Variants in CAPN13 observed in about 807,000 individuals in gnomAD.
CAPN13 encodes the protein calpain 13.
In CAPN13, 90 loss-of-function variants were observed where a neutral mutation model predicts 98.4. That is an observed-to-expected ratio of 0.92 (90% CI 0.77 to 1.09). The LOEUF is 1.09. CAPN13 is among the 50% of genes least tolerant of loss of function. The pLI is 0.00. For missense variants in CAPN13, 887 were observed against 841.3 expected (o/e 1.05, Z -0.67); for synonymous variants, 330 against 305.5 (o/e 1.08, Z -0.84).
At position 30,771,177 on chromosome 2, in the gene CAPN13, G is replaced by A. The variant is rs532247143; in HGVS notation, c.388-728C>T. Among the ~76,000 whole-genome samples the A allele has an allele frequency of 3.2e-4, 48 of 152,306 alleles. No homozygotes were observed. In the East Asian group the frequency reaches 6.4e-3, roughly 20 times the overall value. ...AGCATTCAACTCTATATAGTTCACC[G>A]GGGACATGGCCAAATGAGGAAAATT... On this transcript the variant is annotated intron_variant, in intron 4 of 22. Coordinates refer to ENST00000295055, the MANE Select transcript of CAPN13 (RefSeq NM_144575.3).
intron 11 of CAPN13, among the ~76,000 whole-genome samples, chr2:30,750,715 T>C (rs1220010410): frequency 8.5e-5 from 13 of 152,244 alleles, no homozygotes; most frequent in Admixed American, 8.5e-4. Context: ...GGAGAGCTTA[T>C]GAAAATGCAG....
At chr2:30,776,130 G>T in intron 3 of CAPN13, 85 bp from the exon 4 acceptor site, 2 of 803,630 alleles carry the variant, frequency 2.5e-6, no homozygotes, top group Non-Finnish European at 4.0e-6. Flanking sequence ...TACCACCAGA[G>T]GCTACACAAT....
At chr2:30,744,264 C>G (rs2147973963) in intron 12 of CAPN13, among the ~76,000 whole-genome samples, 1 of 152,340 alleles carries the variant, frequency 6.6e-6, no homozygotes, top group Non-Finnish European at 1.5e-5. Flanking sequence ...TGAGCTATGC[C>G]TTGCAGGGAA....
intron 13 of CAPN13, chr2:30,743,165 A>T (rs1313076628): frequency 1.8e-6 from 1 of 570,876 alleles, no homozygotes; most frequent in African/African-American, 1.9e-5. Context: ...TTGCATTTCC[A>T]TCTGGCAATG....
chr2:30,723,324 C>T (rs1334458364), intron 22 of CAPN13, 88 bp from the exon 23 acceptor site: 1 of 152,266 alleles, frequency 6.6e-6, no homozygotes, highest in East Asian at 1.9e-4. Flanking sequence ...AGTGGGGCCC[C>T]ATTCCAAAGA....
intron 22 of CAPN13, among the ~76,000 whole-genome samples, chr2:30,728,484 G>A (rs191587461): frequency 1.3e-5 from 2 of 152,260 alleles, no homozygotes; most frequent in Admixed American, 1.3e-4. Flanking sequence ...TTTGGTGACT[G>A]ACAGCCAAGA....
intron 1 of CAPN13, among the ~76,000 whole-genome samples, chr2:30,805,718 G>A (rs28484680): frequency 0.022 from 3,250 of 147,148 alleles, 128 homozygotes; most frequent in African/African-American, 0.078. Context: ...TGCTTGATAC[G>A]GAGTGAGCCT....
intron 22 of CAPN13, chr2:30,729,701 T>C (rs1261387148): frequency 6.6e-6 from 1 of 152,244 alleles, no homozygotes; most frequent in Non-Finnish European, 1.5e-5. Context: ...CATCAGGAAA[T>C]ATTTATGCTA....
At position 30,722,931 on chromosome 2, in the gene CAPN13, A is replaced by G. The variant is rs969910626; in HGVS notation, c.*336T>C. 2.6e-5 allele frequency: 4 copies of G among 152,262 alleles called. No individual in the cohort carries two copies. Among genetic ancestry groups the G allele is most frequent in the African/African-American group, 7.2e-5 (3 of 41,476 alleles). 9.4% of individuals were successfully genotyped at this position (152,262 alleles called of 1,614,324 possible). On this transcript the variant is annotated 3_prime_UTR_variant, in exon 23 of 23. Transcript: ENST00000295055. The stretch of plus-strand genomic sequence containing the variant: ...TGGCTCATTCTGGCTCTTCCAAGAA[A>G]TGAATCCAACTGGTGACAGGGGACT...
At chr2:30,807,053 G>A (rs1311594749) in intron 1 of CAPN13, among the ~76,000 whole-genome samples, 3 of 152,160 alleles carry the variant, frequency 2.0e-5, no homozygotes, top group Non-Finnish European at 4.4e-5. Context: ...CTCTTTGCAT[G>A]AAATATGCAA....
At position 30,764,274 on chromosome 2, in the gene CAPN13, C is replaced by T. The variant is rs1171686520; in HGVS notation, c.557G>A (p.Gly186Asp). 6.2e-7 allele frequency: 1 copy of T among 1,613,774 alleles called. No homozygotes were observed. Among genetic ancestry groups the T allele is most frequent in the Non-Finnish European group, 8.5e-7 (1 of 1,179,840 alleles). Residue 186 changes from glycine (G) to aspartate (D), a missense_variant, in exon 6 of 23, where the codon GGC becomes GAC. Coordinates refer to ENST00000295055, the MANE Select transcript of CAPN13 (RefSeq NM_144575.3). Reference sequence around the variant, plus strand: ...GTCCACCAGGGCATCCTCGAGGAAGCCATAGTGCAGATCGGAATAGGATCC... The same window carrying T: ...GTCCACCAGGGCATCCTCGAGGAAGTCATAGTGCAGATCGGAATAGGATCC... ...LLGSYSDLHY[G>D]FLEDALVDLT...
At chr2:30,803,918 C>A (rs558816054) in intron 1 of CAPN13, among the ~76,000 whole-genome samples, 1 of 152,296 alleles carries the variant, frequency 6.6e-6, no homozygotes, top group South Asian at 2.1e-4. Flanking sequence ...AGGCTTAAGG[C>A]TTGGCTGAGC....
chr2:30,732,376 G>A lies in CAPN13; in HGVS notation c.1927+62C>T, dbSNP rs1255773984. ...CCTGGGGTGGGGTAGGGGGTGTCCGGTCCTCTCCTGTGTTCTTCGGTCACT... is the reference window on the plus strand; with the variant it reads ...CCTGGGGTGGGGTAGGGGGTGTCCGATCCTCTCCTGTGTTCTTCGGTCACT... On this transcript the variant is annotated intron_variant, in intron 20 of 22. Coordinates refer to ENST00000295055, the MANE Select transcript of CAPN13 (RefSeq NM_144575.3). 10 of 1,601,482 alleles carry A rather than the reference G, an allele frequency of 6.2e-6. No homozygotes were observed. The Middle Eastern group carries it at 5.9e-4, about 95-fold the overall frequency.
chr2:30,763,743 G>A (rs1443365361), intron 6 of CAPN13, among the ~76,000 whole-genome samples: 1 of 152,228 alleles, frequency 6.6e-6, no homozygotes, highest in East Asian at 1.9e-4. Flanking sequence ...GGGGCTCCGT[G>A]TAAACTTAAG....
At chr2:30,804,062 G>A (rs1283926479) in intron 1 of CAPN13, among the ~76,000 whole-genome samples, 1 of 152,214 alleles carries the variant, frequency 6.6e-6, no homozygotes, top group African/African-American at 2.4e-5. Flanking sequence ...AGTGCATAGT[G>A]GAGGAGAGTG....
rs1465735433 is a variant in CAPN13 at position 30,751,213 on chromosome 2, G to T, written c.1126C>A (p.Gln376Lys). The change falls in exon 11 of 23, where the codon CAA (glutamine) becomes AAA (lysine). Residue 376 changes from glutamine (Q) to lysine (K), a missense_variant. Transcript: ENST00000295055. ...RNDAQFNFSV[Q>K]EPMEGTNVVV... ...ACATTGGTGCCTTCCATTGGCTCTT[G>T]CACAGAGAAGTTGAATTGAGCATCA... 6.2e-7 allele frequency: 1 copy of T among 1,613,834 alleles called. No individual in the cohort carries two copies. The highest frequency in any genetic ancestry group is 1.3e-5 in the African/African-American group (1 of 74,918).
chr2:30,758,343 G>T (rs1052171148), intron 7 of CAPN13, among the ~76,000 whole-genome samples: 17 of 152,202 alleles, frequency 1.1e-4, no homozygotes, highest in African/African-American at 4.1e-4. Context: ...CAAGGAAATG[G>T]CCCCTCATTC....
At chr2:30,735,659 AAAC>A (rs1671326206) in intron 18 of CAPN13, among the ~76,000 whole-genome samples, 1 of 152,192 alleles carries the variant, frequency 6.6e-6, no homozygotes, top group Admixed American at 6.5e-5. Flanking sequence ...ATGAAATGAG[AAAC>A]CAAGTGACCC....
intron 11 of CAPN13, among the ~76,000 whole-genome samples, chr2:30,748,658 T>C (rs547529593): frequency 1.3e-5 from 2 of 152,234 alleles, no homozygotes; most frequent in African/African-American, 4.8e-5. Flanking sequence ...ATTTGGCCTC[T>C]AGCTGCTTGC....
Sources: allele counts gnomAD v4.1 joint callset (sites outside exome capture counted in the v4.1 genomes callset), GRCh38; gene constraint gnomAD v4.1.1; transcripts MANE v1.5; gene names NCBI Gene and HGNC (gene_info 2026-07-23, HGNC 2026-07-21).